The following ANKRD35 variants were observed in gnomAD, a reference collection of about 807,000 sequenced individuals.
The protein encoded by ANKRD35 is ankyrin repeat domain 35, also known as ankyrin repeat domain-containing protein 35.
In ANKRD35, 102 loss-of-function variants were observed where a neutral mutation model predicts 109.9. That is an observed-to-expected ratio of 0.93 (90% CI 0.79 to 1.09). ANKRD35 has a LOEUF of 1.09. ANKRD35 is among the 50% of genes least tolerant of loss of function. The pLI is 0.00. For missense variants in ANKRD35, 1,240 were observed against 1,230.1 expected, an observed-to-expected ratio of 1.01 and a Z score of -0.12; for synonymous variants, 515 against 512.4, an observed-to-expected ratio of 1.01 and a Z score of -0.07.
At chr1:145,870,840 C>A (rs1553738468) in intron 10 of ANKRD35, among the ~76,000 whole-genome samples, 1 of 152,062 alleles carries the variant, frequency 6.6e-6, no homozygotes, top group Non-Finnish European at 1.5e-5. Context: ...CTGCCTCAGC[C>A]TCTTGGGAGC....
chr1:145,875,069 G>C, intron 7 of ANKRD35, 63 bp from the exon 8 acceptor site: 2 of 1,486,158 alleles, frequency 1.3e-6, no homozygotes, highest in Non-Finnish European at 1.8e-6. Context: ...CCTGGTTCCA[G>C]ACATTCCACT....
At position 145,873,510 on chromosome 1, in the gene ANKRD35, G is replaced by C; in HGVS notation, c.1259C>G (p.Ser420Cys). The change falls in exon 10 of 14, where the codon TCC becomes TGC. Residue 420 changes from serine (S) to cysteine (C), a missense_variant. Physicochemically the swap from Ser to Cys is moderately radical, Grantham distance 112. Coordinates refer to ENST00000355594, the MANE Select transcript of ANKRD35 (RefSeq NM_144698.5). ...GKIQYEVHGR[S>C]QPEEQGPPQS... Reference sequence around the variant, plus strand: ...GGGTGGCCCCTGTTCTTCTGGTTGGGACCTTCCATGGACTTCATACTGGAT... The same window carrying C: ...GGGTGGCCCCTGTTCTTCTGGTTGGCACCTTCCATGGACTTCATACTGGAT... The C allele has an allele frequency of 6.2e-7, 1 of 1,613,972 alleles. No individual in the cohort carries two copies. The highest frequency in any genetic ancestry group is 1.1e-5 in the South Asian group (1 of 91,076).
Position 145,872,307 on chromosome 1 carries a change from A to C in ANKRD35, c.2462T>G (p.Val821Gly). 6 of 1,613,012 alleles carry C rather than the reference A, an allele frequency of 3.7e-6. No homozygotes were observed. The highest frequency in any genetic ancestry group is 5.1e-6 in the Non-Finnish European group (6 of 1,179,672). Residue 821 changes from valine (V) to glycine (G), a missense_variant, in exon 10 of 14, where the codon GTG becomes GGG. By Grantham distance (109) the Val-to-Gly change is moderately radical. Transcript: ENST00000355594. ...KQLLYQATEE[V>G]AELRAREAAS... is the part of the protein sequence containing the mutation. ...TGCCTCCCGGGCCCTTAGCTCAGCC[A>C]CTTCCTCTGTGGCTTGGTAGAGCAG...
rs375444597 is a variant in ANKRD35, at chr1:145,867,300, G to A, written c.*30C>T. On this transcript the variant is annotated 3_prime_UTR_variant, in exon 13 of 14. Coordinates refer to ENST00000355594, the MANE Select transcript of ANKRD35 (RefSeq NM_144698.5). ...CCCACAACTCACAACAGAGAATCTC[G>A]TATCCCTGAGGGCACACAGTGAGGC... 6.0e-5 allele frequency: 97 copies of A among 1,604,638 alleles called. No homozygotes were observed. Among genetic ancestry groups the A allele is most frequent in the Admixed American group, 1.2e-4 (7 of 59,942 alleles).
chr1:145,874,058 T>C (rs1197356651), intron 9 of ANKRD35, 73 bp from the exon 10 acceptor site: 1 of 1,611,540 alleles, frequency 6.2e-7, no homozygotes, highest in Non-Finnish European at 8.5e-7. Context: ...CTTTCTTCTC[T>C]TAAATGTCTT....
Position 145,879,338 on chromosome 1 carries a change from C to T in ANKRD35, c.90G>A (p.Arg30=). The T allele has an allele frequency of 1.2e-6, 2 of 1,608,194 alleles. No individual in the cohort carries two copies. The highest frequency in any genetic ancestry group is 1.7e-6 in the Non-Finnish European group (2 of 1,177,502). ...HDQKLLEAVH[R]GDVGRVAALA... ...GGGCAGCCACGCGTCCCACATCCCC[C>T]CTGTGCACTGCCTCCAGCAGCTTCT... Residue 30 remains arginine, a synonymous_variant, in exon 2 of 14, where the codon AGG becomes AGA. Coordinates refer to ENST00000355594, the MANE Select transcript of ANKRD35 (RefSeq NM_144698.5).
Position 145,872,103 on chromosome 1 carries a change from G to T in ANKRD35, c.2666C>A (p.Ala889Asp). The change falls in exon 10 of 14, where the codon GCC becomes GAC. Residue 889 changes from alanine (A) to aspartate (D), a missense_variant. Physicochemically the swap from Ala to Asp is moderately radical, Grantham distance 126. Transcript: ENST00000355594. ...CTCGCTGGCCTGGCGCTCTTGTTCGGCTGCCTGAGCGGCCAGGTCCCCGCT... is the reference window on the plus strand; with the variant it reads ...CTCGCTGGCCTGGCGCTCTTGTTCGTCTGCCTGAGCGGCCAGGTCCCCGCT... Reference protein sequence around the residue: ...RRSGDLAAQAAEQERQASEMR... With the variant: ...RRSGDLAAQADEQERQASEMR... 1 of 1,612,758 alleles carries T rather than the reference G, an allele frequency of 6.2e-7. No individual in the cohort carries two copies. Among genetic ancestry groups the T allele is most frequent in the Non-Finnish European group, 8.5e-7 (1 of 1,179,586 alleles).
Position 145,878,382 on chromosome 1 carries a change from C to T in ANKRD35, c.259+9G>A. The T allele has an allele frequency of 2.6e-6, 4 of 1,561,058 alleles. No individual in the cohort carries two copies. Among genetic ancestry groups the T allele is most frequent in the East Asian group, 2.4e-5 (1 of 41,822 alleles). ...CAAGCAGCGTGGCCCAGTGCTCCGG[C>T]TCACTCACCATCCTCATTCTTGCTG... On this transcript the variant is annotated intron_variant, in intron 3 of 13. Coordinates refer to ENST00000355594, the MANE Select transcript of ANKRD35 (RefSeq NM_144698.5).
chr1:145,875,905 C>T lies in ANKRD35; in HGVS notation c.560+235G>A, dbSNP rs587622131. 1.1e-4 allele frequency among the ~76,000 whole-genome samples: 17 copies of T among 152,238 alleles called. No homozygotes were observed. In the South Asian group the frequency reaches 2.5e-3, roughly 22 times the overall value. ...TTTGACAACCAGTAAATTCAGCCAA[C>T]GGGTCCAGAAGTGTCGATTCTACTT... On this transcript the variant is annotated intron_variant, in intron 7 of 13. Coordinates refer to ENST00000355594, the MANE Select transcript of ANKRD35 (RefSeq NM_144698.5).
intron 2 of ANKRD35, 134 bp downstream of exon 2, chr1:145,879,124 T>C: frequency 1.7e-6 from 2 of 1,201,872 alleles, no homozygotes; most frequent in Non-Finnish European, 2.2e-6. Context: ...CAAAAAACTA[T>C]TGATATACTT....
chr1:145,879,530 A>G (rs1468997974), intron 1 of ANKRD35, 142 bp from the exon 2 acceptor site: 4 of 1,003,382 alleles, frequency 4.0e-6, no homozygotes, highest in Non-Finnish European at 4.0e-6. Context: ...TAGATCATTT[A>G]GTCCTTCTTA....
chr1:145,881,949 CTTTTTTTT>C (rs782253954), intron 1 of ANKRD35, among the ~76,000 whole-genome samples: 1 of 104,636 alleles, frequency 9.6e-6, no homozygotes, highest in Non-Finnish European at 1.9e-5. Flanking sequence ...CTTTCCCCTT[CTTTTTTTT>C]TTTTTTTTTT....
rs1384922767 is a variant in ANKRD35, at chr1:145,876,870, C to T, written c.328G>A (p.Gly110Ser). Reference protein sequence around the residue: ...PQCVKVLLQHGANEDAVDAEN... With the variant: ...PQCVKVLLQHSANEDAVDAEN... Reference sequence around the variant, plus strand: ...GCATCCACAGCATCTTCATTAGCACCATGCTGCAAATGGCCACAAAGGGAA... The same window carrying T: ...GCATCCACAGCATCTTCATTAGCACTATGCTGCAAATGGCCACAAAGGGAA... Residue 110 changes from glycine (G) to serine (S), a missense_variant, in exon 5 of 14, where the codon GGT becomes AGT. Transcript: ENST00000355594. 9.9e-6 allele frequency: 16 copies of T among 1,613,916 alleles called. No individual in the cohort carries two copies. The highest frequency in any genetic ancestry group is 1.3e-5 in the African/African-American group (1 of 74,880).
At chr1:145,882,347 A>C (rs1287598847) in intron 1 of ANKRD35, among the ~76,000 whole-genome samples, 3 of 143,032 alleles carry the variant, frequency 2.1e-5, no homozygotes, top group African/African-American at 8.0e-5. Context: ...CCCAGGCTGA[A>C]GTGCAGTGGC....
Position 145,867,909 on chromosome 1 carries a change from G to A in ANKRD35, c.2943+82C>T. The A allele has an allele frequency of 2.2e-6, 3 of 1,363,266 alleles. No homozygotes were observed. In the South Asian group the frequency reaches 3.5e-5, roughly 16 times the overall value. The allele number at this position is 1,363,266 out of a possible 1,614,324, so 84.4% of individuals were successfully genotyped here. The stretch of plus-strand genomic sequence containing the variant: ...AACAGCAAGTGTGTACAGGGACCCT[G>A]GAGAAGAGAGAGGGACCCTAAATGC... On this transcript the variant is annotated intron_variant, in intron 12 of 13. Transcript: ENST00000355594.
rs1553737902 is a variant in ANKRD35 at position 145,867,398 on chromosome 1, G to C, written c.2944-6C>G. ...ACTTCATGTTCCATGTAACCCTGTA[G>C]ATGTCAGGAAAGGAAGAAAAGGAGA... On this transcript the variant is annotated splice_polypyrimidine_tract_variant and splice_region_variant and intron_variant, in intron 12 of 13. Transcript: ENST00000355594. The C allele has an allele frequency of 6.2e-7, 1 of 1,613,534 alleles. No homozygotes were observed. The highest frequency in any genetic ancestry group is 2.2e-5 in the East Asian group (1 of 44,854).
chr1:145,885,721 GCCA>G lies in ANKRD35; in HGVS notation c.35_37del (p.Val12del). 1.2e-6 allele frequency: 2 copies of G among 1,614,070 alleles called. No homozygotes were observed. Among genetic ancestry groups the G allele is most frequent in the Non-Finnish European group, 1.7e-6 (2 of 1,179,980 alleles). On this transcript the variant is annotated inframe_deletion and splice_region_variant, in exon 1 of 14. Transcript: ENST00000355594. ...CCTCCCACACATTTTGGCACCTACC[GCCA>G]CCTGTGTGCTGGAGCAGGAGAAGAT... is the stretch of plus-strand genomic sequence containing the variant.
At chr1:145,874,709 C>T in intron 8 of ANKRD35, 113 bp downstream of exon 8, 1 of 1,295,692 alleles carries the variant, frequency 7.7e-7, no homozygotes. Flanking sequence ...TACGTAAACT[C>T]TCAACCCAGG....
At position 145,873,461 on chromosome 1, in the gene ANKRD35, G is replaced by A; in HGVS notation, c.1308C>T (p.Ile436=). Residue 436 remains isoleucine, a synonymous_variant, in exon 10 of 14, where the codon ATC becomes ATT. Coordinates refer to ENST00000355594, the MANE Select transcript of ANKRD35 (RefSeq NM_144698.5). The stretch of plus-strand genomic sequence containing the variant: ...TCAGTTGCTGTCCTGTGGCTTTCCT[G>A]ATGGTCTCAGACGCTGGGCTCTGGG... The part of the protein sequence containing the change: ...GPPQSPASET[I]RKATGQQLTT... 2 of 1,613,908 alleles carry A rather than the reference G, an allele frequency of 1.2e-6. No homozygotes were observed. Among genetic ancestry groups the A allele is most frequent in the Non-Finnish European group, 1.7e-6 (2 of 1,179,924 alleles).
Sources: gnomAD v4.1 joint callset for allele counts (sites outside exome capture counted in the v4.1 genomes callset) on GRCh38, gnomAD v4.1.1 for gene constraint, MANE v1.5 for transcripts, NCBI Gene and HGNC (gene_info 2026-07-23, HGNC 2026-07-21) for gene names.